Variants in ASTN2 observed in about 807,000 individuals in gnomAD.
The protein encoded by ASTN2 is astrotactin-2.
A neutral mutation model predicts 139.8 loss-of-function variants in ASTN2; 54 were observed. That is an observed-to-expected ratio of 0.39 (90% CI 0.31 to 0.48). The LOEUF (loss-of-function observed/expected upper bound fraction) is 0.48. Ranked by LOEUF, ASTN2 falls within the 20% of genes least tolerant of loss-of-function variation. ASTN2 has a pLI of 0.95. For synonymous variants in ASTN2, 756 were observed against 719.5 expected (o/e 1.05, Z -0.81); for missense variants, 1,565 against 1,725.1 (o/e 0.91, Z 1.64).
At chr9:117,005,820 T>C (rs1411202554) in intron 7 of ASTN2, among the ~76,000 whole-genome samples, 2 of 152,124 alleles carry the variant, frequency 1.3e-5, no homozygotes, top group African/African-American at 4.8e-5. Flanking sequence ...GGACAGAAGA[T>C]TGCCTTCCTG....
intron 1 of ASTN2, among the ~76,000 whole-genome samples, chr9:117,333,542 A>G (rs1828783180): frequency 6.6e-6 from 1 of 152,256 alleles, no homozygotes; most frequent in Middle Eastern, 3.4e-3. Flanking sequence ...CAGTTATTGC[A>G]GGGGGGGTTG....
At chr9:117,212,552 AT>A (rs1364207346) in intron 3 of ASTN2, among the ~76,000 whole-genome samples, 7 of 149,372 alleles carry the variant, frequency 4.7e-5, no homozygotes, top group South Asian at 2.2e-4. Context: ...AGACTCAAAC[AT>A]TCCAACAGCA....
At chr9:117,089,514 T>TG (rs1167403680) in intron 5 of ASTN2, among the ~76,000 whole-genome samples, 1 of 40,560 alleles carries the variant, frequency 2.5e-5, no homozygotes, top group African/African-American at 4.9e-5. Flanking sequence ...ATTTTTTGTG[T>TG]TTTTTTCCCC....
intron 14 of ASTN2, among the ~76,000 whole-genome samples, chr9:116,732,823 A>C (rs1828824276): frequency 6.6e-6 from 1 of 152,230 alleles, no homozygotes; most frequent in Non-Finnish European, 1.5e-5. Flanking sequence ...CCCAGGTTTT[A>C]GTCCTGGCAG....
intron 5 of ASTN2, among the ~76,000 whole-genome samples, chr9:117,048,345 G>A (rs10759890): frequency 0.2 from 30,927 of 152,092 alleles, 3,754 homozygotes; most frequent in East Asian, 0.51. Context: ...AAGGGCTGTC[G>A]CTCCTCCTTT....
intron 19 of ASTN2, chr9:116,550,932 G>A (rs571392036): frequency 6.6e-6 from 1 of 152,340 alleles, no homozygotes; most frequent in African/African-American, 2.4e-5. Context: ...CCAACTGTCA[G>A]CCTAAAGGAA....
chr9:116,543,010 G>C lies in ASTN2; in HGVS notation c.3356-55510C>G, dbSNP rs61023064. 0.019 allele frequency among the ~76,000 whole-genome samples: 2,834 copies of C among 151,848 alleles called. 383 individuals are homozygous for C. In the South Asian group the frequency reaches 0.28, roughly 15 times the overall value. ...ATCCAGCTGAAAAAAAAATCATATA[G>C]TATCTTGTTGGACAGAAATATTTTT... is the stretch of plus-strand genomic sequence containing the variant. On this transcript the variant is annotated intron_variant, in intron 19 of 22. Transcript: ENST00000313400.
At chr9:117,128,068 A>C (rs1193604778) in intron 4 of ASTN2, among the ~76,000 whole-genome samples, 1 of 152,056 alleles carries the variant, frequency 6.6e-6, no homozygotes, top group Non-Finnish European at 1.5e-5. Context: ...TAGGGAGTGA[A>C]AGCTGTCTTC....
At chr9:116,768,098 A>G (rs1829856612) in intron 13 of ASTN2, among the ~76,000 whole-genome samples, 1 of 152,180 alleles carries the variant, frequency 6.6e-6, no homozygotes, top group African/African-American at 2.4e-5. Context: ...TACAAGTAAA[A>G]AAGACAATTA....
At chr9:117,112,541 C>T (rs773695441) in intron 4 of ASTN2, among the ~76,000 whole-genome samples, 13 of 152,046 alleles carry the variant, frequency 8.6e-5, no homozygotes, top group Non-Finnish European at 1.6e-4. Context: ...GGTGCTGGAA[C>T]AACTGGAGAG....
intron 10 of ASTN2, among the ~76,000 whole-genome samples, chr9:116,948,148 T>C (rs985988818): frequency 3.9e-5 from 6 of 152,208 alleles, no homozygotes; most frequent in Non-Finnish European, 7.3e-5. Flanking sequence ...ATGAGGGTGA[T>C]ACTCACTTTG....
At chr9:116,895,120 C>G (rs1189645822) in intron 10 of ASTN2, among the ~76,000 whole-genome samples, 1 of 152,166 alleles carries the variant, frequency 6.6e-6, no homozygotes, top group African/African-American at 2.4e-5. Context: ...AAATTGGAAA[C>G]TTTTTGAGTG....
intron 7 of ASTN2, among the ~76,000 whole-genome samples, chr9:116,987,291 C>T (rs1249577322): frequency 1.3e-5 from 2 of 152,186 alleles, no homozygotes; most frequent in Non-Finnish European, 1.5e-5. Context: ...TGTTTAAAAG[C>T]GTGTAGCCTT....
At chr9:116,738,084 C>T (rs368508650) in intron 13 of ASTN2, among the ~76,000 whole-genome samples, 5 of 150,586 alleles carry the variant, frequency 3.3e-5, no homozygotes, top group Admixed American at 2.6e-4. Context: ...CCCAGCTACT[C>T]GGGAGGCTGA....
chr9:116,456,653 AG>A (rs1413152257), intron 20 of ASTN2, among the ~76,000 whole-genome samples: 1 of 152,190 alleles, frequency 6.6e-6, no homozygotes, highest in Non-Finnish European at 1.5e-5. Flanking sequence ...GAACTCGTGC[AG>A]GGAAATCTCT....
intron 4 of ASTN2, among the ~76,000 whole-genome samples, chr9:117,110,390 G>C (rs1468502144): frequency 6.6e-6 from 1 of 152,120 alleles, no homozygotes; most frequent in African/African-American, 2.4e-5. Flanking sequence ...TTGGAAAATG[G>C]AAAATCGCCT....
intron 19 of ASTN2, among the ~76,000 whole-genome samples, chr9:116,535,255 C>T (rs1285550732): frequency 6.6e-6 from 1 of 152,092 alleles, no homozygotes; most frequent in African/African-American, 2.4e-5. Context: ...CTATGTGTGT[C>T]TCTGCACATG....
At chr9:116,719,539 C>T (rs1211792367) in intron 16 of ASTN2, among the ~76,000 whole-genome samples, 2 of 152,034 alleles carry the variant, frequency 1.3e-5, no homozygotes, top group African/African-American at 4.8e-5. Flanking sequence ...CACTAGAACA[C>T]TAGAAAAGTA....
At chr9:116,935,668 CT>C (rs1434805193) in intron 10 of ASTN2, among the ~76,000 whole-genome samples, 1 of 152,186 alleles carries the variant, frequency 6.6e-6, no homozygotes, top group East Asian at 1.9e-4. Context: ...CCTTTACTTG[CT>C]GTGTAATAGA....
Sources: allele counts gnomAD v4.1 joint callset (sites outside exome capture counted in the v4.1 genomes callset), GRCh38; gene constraint gnomAD v4.1.1; transcripts MANE v1.5; gene names NCBI Gene and HGNC (gene_info 2026-07-23, HGNC 2026-07-21).